Variants in ACOT7 observed in about 807,000 individuals in gnomAD.
ACOT7 encodes the protein acyl-CoA thioesterase 7, also known as cytosolic acyl coenzyme A thioester hydrolase.
ACOT7 carries 12 observed loss-of-function variants against 40.2 expected under a neutral mutation model. The observed-to-expected ratio is 0.30, with a 90% CI of 0.19 to 0.48. The LOEUF (loss-of-function observed/expected upper bound fraction) is 0.48, where lower values mean the gene tolerates loss of function less well. Ranked by LOEUF, ACOT7 falls within the 20% of genes least tolerant of loss-of-function variation. The probability of loss-of-function intolerance (pLI) is 0.99; values close to 1 mark genes in which losing one functional copy is unlikely to be tolerated. For missense variants in ACOT7, 395 were observed against 530.8 expected, an observed-to-expected ratio of 0.74 and a Z score of 2.51; for synonymous variants, 228 against 219.5, an observed-to-expected ratio of 1.04 and a Z score of -0.34.
At position 6,274,015 on chromosome 1, in the gene ACOT7, G is replaced by A. The variant is rs562495051; in HGVS notation, c.1014+7087C>T. 3.0e-4 allele frequency among the ~76,000 whole-genome samples: 46 copies of A among 152,280 alleles called. No homozygotes were observed. The highest frequency in any genetic ancestry group is 6.0e-4 in the Non-Finnish European group (41 of 68,022). On this transcript the variant is annotated intron_variant, in intron 8 of 8. Transcript: ENST00000361521. The surrounding 1 kb of genome is among the most constrained non-coding windows in gnomAD (Gnocchi z 5.9). ...TCTTGTCCTGGTCCGGCCTGGACACGGTCAGGAATGGCCACCTCTGCTCCT... is the reference window on the plus strand; with the variant it reads ...TCTTGTCCTGGTCCGGCCTGGACACAGTCAGGAATGGCCACCTCTGCTCCT...
intron 1 of ACOT7, among the ~76,000 whole-genome samples, chr1:6,378,788 C>G (rs958411590): frequency 6.6e-6 from 1 of 151,898 alleles, no homozygotes; most frequent in African/African-American, 2.4e-5. Context: ...CTGGCGAGGG[C>G]AGGGGCTGGT....
At chr1:6,302,949 A>C (rs534265720) in intron 6 of ACOT7, among the ~76,000 whole-genome samples, 1 of 152,366 alleles carries the variant, frequency 6.6e-6, no homozygotes, top group South Asian at 2.1e-4. Flanking sequence ...TTAAGAAAAC[A>C]ACCCAGAAAA....
intron 1 of ACOT7, among the ~76,000 whole-genome samples, chr1:6,361,749 A>G (rs904274099): frequency 2.6e-5 from 4 of 152,140 alleles, no homozygotes; most frequent in African/African-American, 9.7e-5. Flanking sequence ...GTGAGCCAAG[A>G]TCACGTCACT....
intron 1 of ACOT7, among the ~76,000 whole-genome samples, chr1:6,373,306 A>G (rs1642168391): frequency 6.6e-6 from 1 of 151,990 alleles, no homozygotes; most frequent in Admixed American, 6.6e-5. Flanking sequence ...GCTAGAGTGT[A>G]GTGGCATGAT....
At chr1:6,349,274 A>G (rs1269947013) in intron 2 of ACOT7, among the ~76,000 whole-genome samples, 1 of 152,166 alleles carries the variant, frequency 6.6e-6, no homozygotes, top group African/African-American at 2.4e-5. Flanking sequence ...CAGGCCTGTG[A>G]GCTTCAAAGC....
At chr1:6,361,355 G>A (rs750491515) in intron 1 of ACOT7, among the ~76,000 whole-genome samples, 8 of 152,178 alleles carry the variant, frequency 5.3e-5, no homozygotes, top group African/African-American at 1.4e-4. Flanking sequence ...CTGCTAATGC[G>A]TGCAGGTTAA....
rs771437486 is a variant in ACOT7 at position 6,333,502 on chromosome 1, T to C, written c.485A>G (p.Lys162Arg). ...YVPLSLKNVDKVLEVPPVVYS... is the reference protein window; with the variant it reads ...YVPLSLKNVDRVLEVPPVVYS... The stretch of plus-strand genomic sequence containing the variant: ...CACAACAGGAGGCACCTCGAGGACC[T>C]TGTCCACATTCTTCAGCGACAGGGG... Residue 162 changes from lysine (K) to arginine (R), a missense_variant, in exon 4 of 9, where the codon AAG becomes AGG. Coordinates refer to ENST00000361521, the MANE Select transcript of ACOT7 (RefSeq NM_007274.4). The C allele has an allele frequency of 5.6e-6, 9 of 1,614,204 alleles. No individual in the cohort carries two copies. The East Asian group carries it at 8.9e-5, about 16-fold the overall frequency.
chr1:6,348,280 G>A (rs148701336), intron 2 of ACOT7, among the ~76,000 whole-genome samples: 14 of 151,996 alleles, frequency 9.2e-5, no homozygotes, highest in Non-Finnish European at 1.8e-4. Context: ...CCAACCATCC[G>A]CACTTACTGT....
At chr1:6,353,238 G>C (rs1419826315) in intron 1 of ACOT7, among the ~76,000 whole-genome samples, 1 of 151,998 alleles carries the variant, frequency 6.6e-6, no homozygotes. Context: ...AGGATCACTT[G>C]AGCCTGGGAA....
rs1640388598 is a variant in ACOT7 at position 6,313,195 on chromosome 1, C to T, written c.712+5297G>A. On this transcript the variant is annotated intron_variant, in intron 6 of 8. Transcript: ENST00000361521. ...GATGTCACTTCACTTGGAAGAAACA[C>T]CCAGAAACTGCAAACTACGTGATTT... 3.9e-5 allele frequency among the ~76,000 whole-genome samples: 6 copies of T among 152,182 alleles called. No homozygotes were observed. The South Asian group carries it at 1.2e-3, about 31-fold the overall frequency.
Position 6,306,648 on chromosome 1 carries a change from G to A in ACOT7, c.713-11668C>T. Reference sequence around the variant, plus strand: ...AGCCTGTGCCACTCAGCTTCACGAGGAAGAAAGCGGCGTCCCAAAGCATTT... The same window carrying A: ...AGCCTGTGCCACTCAGCTTCACGAGAAAGAAAGCGGCGTCCCAAAGCATTT... On this transcript the variant is annotated intron_variant, in intron 6 of 8. Coordinates refer to ENST00000361521, the MANE Select transcript of ACOT7 (RefSeq NM_007274.4). This position sits in a 1 kb window ranked among gnomAD's most constrained non-coding sequence, Gnocchi z 4.3. 1.0e-6 allele frequency: 1 copy of A among 985,400 alleles called. No homozygotes were observed. Among genetic ancestry groups the A allele is most frequent in the Non-Finnish European group, 1.2e-6 (1 of 829,916 alleles). 61.0% of individuals were successfully genotyped at this position (985,400 alleles called of 1,614,324 possible). A position where few individuals can be genotyped will look rare whatever the true frequency, so the allele number is the denominator to read the frequency against.
chr1:6,279,314 A>C (rs756829934), intron 8 of ACOT7, among the ~76,000 whole-genome samples: 7 of 150,650 alleles, frequency 4.6e-5, no homozygotes, highest in African/African-American at 7.4e-5. Flanking sequence ...ACGGTGGGCC[A>C]GGGCAAGGCG....
rs977749904 is a variant in ACOT7, at chr1:6,330,682, C to T, written c.510+2795G>A. Among the ~76,000 whole-genome samples the T allele has an allele frequency of 2.0e-5, 3 of 152,184 alleles. No homozygotes were observed. Among genetic ancestry groups the T allele is most frequent in the Non-Finnish European group, 2.9e-5 (2 of 68,026 alleles). Reference sequence around the variant, plus strand: ...AGGCTAACAGGGGCCACGCTGAAAGCACCCTGTCCCTGCAGCGAGGGGATG... The same window carrying T: ...AGGCTAACAGGGGCCACGCTGAAAGTACCCTGTCCCTGCAGCGAGGGGATG... On this transcript the variant is annotated intron_variant, in intron 4 of 8. Coordinates refer to ENST00000361521, the MANE Select transcript of ACOT7 (RefSeq NM_007274.4). The surrounding 1 kb of genome is among the most constrained non-coding windows in gnomAD (Gnocchi z 4.6).
chr1:6,329,836 G>A (rs958978701), intron 4 of ACOT7, among the ~76,000 whole-genome samples: 5 of 152,110 alleles, frequency 3.3e-5, no homozygotes, highest in Non-Finnish European at 7.4e-5. Flanking sequence ...ATCCACCCCC[G>A]ACAGCCACTC....
At chr1:6,293,923 C>A (rs1258549032) in intron 7 of ACOT7, among the ~76,000 whole-genome samples, 1 of 152,206 alleles carries the variant, frequency 6.6e-6, no homozygotes, top group Non-Finnish European at 1.5e-5. Flanking sequence ...CCGGAGACAG[C>A]ACCAAGGCTG....
chr1:6,314,864 T>G (rs1458110967), intron 6 of ACOT7, among the ~76,000 whole-genome samples: 1 of 142,774 alleles, frequency 7.0e-6, no homozygotes, highest in African/African-American at 2.7e-5. Context: ...CCCTCCTCCC[T>G]CATGGGACGA....
chr1:6,327,215 G>A (rs551624680), intron 5 of ACOT7, 84 bp downstream of exon 5: 2 of 1,360,924 alleles, frequency 1.5e-6, no homozygotes, highest in South Asian at 1.3e-5. Flanking sequence ...TCAAGCATGA[G>A]GCTCACGTAG....
Position 6,351,808 on chromosome 1 carries a change from G to A in ACOT7, c.144-1942C>T, listed in dbSNP as rs3789475. Among the ~76,000 whole-genome samples the A allele has an allele frequency of 3.3e-5, 5 of 152,338 alleles. No individual in the cohort carries two copies. The East Asian group carries it at 5.8e-4, about 18-fold the overall frequency. On this transcript the variant is annotated intron_variant, in intron 1 of 8. Transcript: ENST00000361521. ...TGACACAAGGCCAGGGAGAGAAGAC[G>A]CGGGCCAAGGGCTGCAGAGCAGCGG...
In ACOT7 at chr1:6,306,190, A is replaced by T; in HGVS notation, c.713-11210T>A. On this transcript the variant is annotated intron_variant, in intron 6 of 8. Coordinates refer to ENST00000361521, the MANE Select transcript of ACOT7 (RefSeq NM_007274.4). The surrounding 1 kb of genome is among the most constrained non-coding windows in gnomAD (Gnocchi z 4.3). ...AGAGGGAGACCGTGGCAAGAGAGGGAGAGGGAGACCGTGGGGAGAGGGGGA... is the reference window on the plus strand; with the variant it reads ...AGAGGGAGACCGTGGCAAGAGAGGGTGAGGGAGACCGTGGGGAGAGGGGGA... 1 of 908,024 alleles carries T rather than the reference A, an allele frequency of 1.1e-6. No homozygotes were observed. The highest frequency in any genetic ancestry group is 5.3e-5 in the South Asian group (1 of 18,788). 56.2% of individuals were successfully genotyped at this position (908,024 alleles called of 1,614,324 possible). A position where few individuals can be genotyped will look rare whatever the true frequency, so the allele number is the denominator to read the frequency against.
Sources: gnomAD v4.1 joint callset for allele counts (sites outside exome capture counted in the v4.1 genomes callset) on GRCh38, gnomAD v4.1.1 for gene constraint, Gnocchi (gnomAD v3.1) non-coding constraint, MANE v1.5 for transcripts, NCBI Gene and HGNC (gene_info 2026-07-23, HGNC 2026-07-21) for gene names.